The following ELF2 variants were observed in gnomAD, a reference collection of about 807,000 sequenced individuals.
The protein encoded by ELF2 is ETS-related transcription factor Elf-2.
A neutral mutation model predicts 54.8 loss-of-function variants in ELF2; 11 were observed. The ratio of observed to expected loss-of-function variants is 0.20; its 90% CI spans 0.13 to 0.33. ELF2 has a LOEUF of 0.33. Ranked by LOEUF, ELF2 falls within the 10% of genes least tolerant of loss-of-function variation. The pLI, the probability that ELF2 is intolerant of heterozygous loss-of-function variation, is 1.00. For synonymous variants in ELF2, 203 were observed against 245.1 expected, an observed-to-expected ratio of 0.83 and a Z score of 1.61; for missense variants, 513 against 703.0, an observed-to-expected ratio of 0.73 and a Z score of 3.06.
At chr4:139,084,438 G>GGGCGGCAGGGGCAGGGGCGGCGGC (rs763859653) in intron 4 of ELF2, 1 of 1,107,696 alleles carries the variant, frequency 9.0e-7, no homozygotes, top group Non-Finnish European at 1.1e-6. Flanking sequence ...GCAGGGGCAG[G>GGGCGGCAGGGGCAGGGGCGGCGGC]GGCGGCGGCG....
intron 8 of ELF2, 55 bp from the exon 9 acceptor site, chr4:139,060,729 C>A (rs1368872892): frequency 1.3e-5 from 19 of 1,427,780 alleles, no homozygotes; most frequent in Non-Finnish European, 1.6e-5. Flanking sequence ...TCACCCCACT[C>A]CACCCCCGCC....
chr4:139,169,232 C>T (rs915026542), intron 1 of ELF2, among the ~76,000 whole-genome samples: 18 of 151,500 alleles, frequency 1.2e-4, no homozygotes, highest in African/African-American at 4.4e-4. Flanking sequence ...CCTGTAGTCC[C>T]AGGTACGTGG....
At chr4:139,097,143 G>C (rs1733366067) in intron 4 of ELF2, among the ~76,000 whole-genome samples, 1 of 152,070 alleles carries the variant, frequency 6.6e-6, no homozygotes, top group South Asian at 2.1e-4. Flanking sequence ...TTCATAGTGA[G>C]TTCTGCTTAA....
At chr4:139,109,932 A>G (rs572457469) in intron 4 of ELF2, among the ~76,000 whole-genome samples, 28 of 152,322 alleles carry the variant, frequency 1.8e-4, no homozygotes, top group Non-Finnish European at 3.5e-4. Context: ...AAACCTCAGC[A>G]TCATGCAGTA....
At chr4:139,084,233 C>A in intron 4 of ELF2, 11 of 1,611,356 alleles carry the variant, frequency 6.8e-6, no homozygotes, top group Non-Finnish European at 9.3e-6. Flanking sequence ...TTGACTTACA[C>A]CGTGAGCAGC....
At chr4:139,154,575 TAA>T (rs529132880) in intron 1 of ELF2, among the ~76,000 whole-genome samples, 20 of 136,666 alleles carry the variant, frequency 1.5e-4, no homozygotes, top group African/African-American at 1.3e-4. Context: ...CTACAACAAT[TAA>T]AAAAAAAAAA....
intron 4 of ELF2, among the ~76,000 whole-genome samples, chr4:139,102,898 T>C (rs570263224): frequency 0.022 from 3,395 of 151,190 alleles, 61 homozygotes; most frequent in Non-Finnish European, 0.035. Context: ...TTTTTTTTTT[T>C]CCCCCCTGAG....
chr4:139,063,411 A>C (rs905601723), intron 7 of ELF2, among the ~76,000 whole-genome samples: 7 of 152,238 alleles, frequency 4.6e-5, no homozygotes, highest in Admixed American at 2.0e-4. Flanking sequence ...GAGGTCCTAA[A>C]ATGGAAAAAT....
intron 1 of ELF2, among the ~76,000 whole-genome samples, chr4:139,159,389 T>C (rs1448960313): frequency 6.6e-6 from 1 of 152,188 alleles, no homozygotes; most frequent in African/African-American, 2.4e-5. Flanking sequence ...CAGAATAGAA[T>C]GGGCCTGTGA....
At chr4:139,125,959 A>G (rs1736874776) in intron 3 of ELF2, among the ~76,000 whole-genome samples, 1 of 152,168 alleles carries the variant, frequency 6.6e-6, no homozygotes, top group Non-Finnish European at 1.5e-5. Flanking sequence ...GAGAGGAACA[A>G]CAATAGCATC....
intron 4 of ELF2, among the ~76,000 whole-genome samples, chr4:139,097,086 T>C (rs1733361989): frequency 1.3e-5 from 2 of 152,244 alleles, no homozygotes; most frequent in Non-Finnish European, 2.9e-5. Context: ...ATGCTCATTA[T>C]ATCAATCTTT....
At chr4:139,114,850 C>A in intron 4 of ELF2, 1 of 1,596,918 alleles carries the variant, frequency 6.3e-7, no homozygotes, top group South Asian at 1.1e-5. Context: ...GCCGCAGGGT[C>A]CCCCGGTATT....
At chr4:139,102,305 G>A (rs1297955452) in intron 4 of ELF2, 4 of 148,224 alleles carry the variant, frequency 2.7e-5, no homozygotes, top group Non-Finnish European at 4.5e-5. Flanking sequence ...GGTGGATCAC[G>A]AGGTCAAGAC....
At chr4:139,159,927 G>A (rs1241643286) in intron 1 of ELF2, among the ~76,000 whole-genome samples, 2 of 152,216 alleles carry the variant, frequency 1.3e-5, no homozygotes, top group Non-Finnish European at 2.9e-5. Context: ...AAATATTGAC[G>A]CGTGTAGTCC....
At chr4:139,099,594 GACCTTAGACTGATTTTGGAT>G (rs1357098490) in intron 4 of ELF2, among the ~76,000 whole-genome samples, 6 of 152,134 alleles carry the variant, frequency 3.9e-5, no homozygotes, top group Non-Finnish European at 7.3e-5. Flanking sequence ...ACCACAGCTG[GACCTTAGACTGATTTTGGAT>G]ACCTTAGTCT....
At chr4:139,160,260 A>T (rs1223599844) in intron 1 of ELF2, among the ~76,000 whole-genome samples, 3 of 152,210 alleles carry the variant, frequency 2.0e-5, no homozygotes, top group Non-Finnish European at 2.9e-5. Context: ...CTCAGATGCC[A>T]GCCAATGGCC....
At chr4:139,082,582 G>A (rs1206000260) in intron 4 of ELF2, among the ~76,000 whole-genome samples, 1 of 152,132 alleles carries the variant, frequency 6.6e-6, no homozygotes, top group Non-Finnish European at 1.5e-5. Context: ...TTTGAACCTA[G>A]AGCGCTTCCG....
chr4:139,109,354 C>A (rs1323889383), intron 4 of ELF2, among the ~76,000 whole-genome samples: 1 of 152,242 alleles, frequency 6.6e-6, no homozygotes, highest in African/African-American at 2.4e-5. Context: ...CATTAAGAAG[C>A]AGCAGACTTA....
chr4:139,169,492 C>T (rs1742051574), intron 1 of ELF2, among the ~76,000 whole-genome samples: 1 of 152,154 alleles, frequency 6.6e-6, no homozygotes, highest in Admixed American at 6.6e-5. Context: ...TGGCATCACT[C>T]TTGTCACTGA....
Sources: gnomAD v4.1 joint callset for allele counts (sites outside exome capture counted in the v4.1 genomes callset) on GRCh38, gnomAD v4.1.1 for gene constraint, MANE v1.5 for transcripts, NCBI Gene and HGNC (gene_info 2026-07-23, HGNC 2026-07-21) for gene names.